The following CDIN1 variants were observed in gnomAD, a reference collection of about 807,000 sequenced individuals.
CDIN1 encodes the protein CDAN1-interacting nuclease 1.
CDIN1 carries 33 observed loss-of-function variants against 45.3 expected under a neutral mutation model. That is an observed-to-expected ratio of 0.73 (90% CI 0.55 to 0.97). The LOEUF is 0.97. Ranked by LOEUF, CDIN1 falls within the 50% of genes least tolerant of loss-of-function variation. CDIN1 has a pLI of 0.00. For missense variants in CDIN1, 303 were observed against 339.4 expected (o/e 0.89, Z 0.84); for synonymous variants, 118 against 124.4 (o/e 0.95, Z 0.34).
chr15:36,604,418 T>TACACAGACACACACACACACACAC (rs1555382540), intron 1 of CDIN1, among the ~76,000 whole-genome samples: 4 of 128,860 alleles, frequency 3.1e-5, no homozygotes, highest in East Asian at 5.0e-4. Flanking sequence ...TTTTAAAAGG[T>TACACAGACACACACACACACACAC]ACACACACAC....
chr15:36,675,074 C>T (rs772610321), intron 5 of CDIN1, among the ~76,000 whole-genome samples: 3 of 152,048 alleles, frequency 2.0e-5, no homozygotes, highest in Non-Finnish European at 4.4e-5. Flanking sequence ...ATACTCCAAG[C>T]TCAGGATACT....
chr15:36,750,840 C>T (rs1011598017), intron 10 of CDIN1, among the ~76,000 whole-genome samples: 3 of 152,018 alleles, frequency 2.0e-5, no homozygotes, highest in South Asian at 2.1e-4. Context: ...AGACAAAGAC[C>T]TACAAAACTT....
intron 8 of CDIN1, among the ~76,000 whole-genome samples, chr15:36,703,377 T>TATATCTGATATAC (rs2042734404): frequency 3.7e-5 from 1 of 27,022 alleles, no homozygotes; most frequent in Non-Finnish European, 6.3e-5. Flanking sequence ...CTATCATATA[T>TATATCTGATATAC]ATATATATCA....
At chr15:36,753,376 G>A (rs1399196470) in intron 10 of CDIN1, among the ~76,000 whole-genome samples, 1 of 152,064 alleles carries the variant, frequency 6.6e-6, no homozygotes, top group Non-Finnish European at 1.5e-5. Context: ...GAATGGAGAT[G>A]AGATCCTAGA....
intron 4 of CDIN1, among the ~76,000 whole-genome samples, chr15:36,655,972 A>G (rs1269308158): frequency 3.3e-5 from 5 of 152,218 alleles, no homozygotes; most frequent in Non-Finnish European, 7.3e-5. Context: ...TCCTACATCA[A>G]TAAACCTTTT....
chr15:36,678,297 T>G (rs952173305), intron 5 of CDIN1, among the ~76,000 whole-genome samples: 22 of 152,210 alleles, frequency 1.4e-4, no homozygotes, highest in African/African-American at 4.8e-4. Context: ...GGAAAGACAC[T>G]GGCAGGTCAA....
intron 1 of CDIN1, among the ~76,000 whole-genome samples, chr15:36,637,331 A>T (rs2039942465): frequency 6.6e-6 from 1 of 152,242 alleles, no homozygotes; most frequent in Non-Finnish European, 1.5e-5. Context: ...GAATGTGGGT[A>T]GGCAAAAATT....
chr15:36,682,077 A>ATGTGTG (rs745531678), intron 5 of CDIN1, among the ~76,000 whole-genome samples: 2 of 149,526 alleles, frequency 1.3e-5, no homozygotes, highest in African/African-American at 4.9e-5. Flanking sequence ...GGGTGTGTGT[A>ATGTGTG]TGTGTGTGTG....
chr15:36,728,760 A>G (rs1595527822), intron 10 of CDIN1, among the ~76,000 whole-genome samples: 1 of 151,828 alleles, frequency 6.6e-6, no homozygotes, highest in Non-Finnish European at 1.5e-5. Flanking sequence ...TGCAACCTGC[A>G]CCTCCCAGGT....
intron 6 of CDIN1, 98 bp from the exon 7 acceptor site, chr15:36,692,028 G>GGGGT: frequency 8.6e-7 from 1 of 1,159,150 alleles, no homozygotes; most frequent in Non-Finnish European, 1.2e-6. Flanking sequence ...GGGGGCGGGG[G>GGGGT]TGGGGGAAGA....
chr15:36,758,727 G>T (rs2053676865), intron 10 of CDIN1, among the ~76,000 whole-genome samples: 1 of 152,158 alleles, frequency 6.6e-6, no homozygotes, highest in Non-Finnish European at 1.5e-5. Context: ...GTCTGAAGAA[G>T]AAAGTGTGTA....
chr15:36,802,749 CAG>C (rs1222121996), intron 10 of CDIN1, among the ~76,000 whole-genome samples: 2 of 152,068 alleles, frequency 1.3e-5, no homozygotes, highest in African/African-American at 4.8e-5. Context: ...CTGAGTTTCT[CAG>C]AGAGTTACAG....
chr15:36,753,600 T>C (rs1025707236), intron 10 of CDIN1, among the ~76,000 whole-genome samples: 1 of 146,734 alleles, frequency 6.8e-6, no homozygotes, highest in Non-Finnish European at 1.5e-5. Context: ...AATCAAACTA[T>C]TGACATGTAC....
rs1283114659 is a variant in CDIN1 at position 36,809,490 on chromosome 15, T to A, written c.*1037T>A. On this transcript the variant is annotated 3_prime_UTR_variant, in exon 11 of 11. Coordinates refer to ENST00000566621, the MANE Select transcript of CDIN1 (RefSeq NM_001321759.2). ...AAATAAAGGAGATTTTTCTATTTGT[T>A]CACTTTAATTTATTCACTTTTGTGT... 6.6e-6 allele frequency: 1 copy of A among 152,330 alleles called. No homozygotes were observed. The highest frequency in any genetic ancestry group is 1.5e-5 in the Non-Finnish European group (1 of 68,126). 9.4% of individuals were successfully genotyped at this position (152,330 alleles called of 1,614,324 possible).
intron 1 of CDIN1, among the ~76,000 whole-genome samples, chr15:36,604,274 CT>C (rs34347558): frequency 0.59 from 87,908 of 147,912 alleles, 27,494 homozygotes; most frequent in East Asian, 0.85. Flanking sequence ...AGCCACCTGG[CT>C]TTTTTTTTTT....
chr15:36,648,521 T>C (rs1275695396), intron 3 of CDIN1: 1 of 135,264 alleles, frequency 7.4e-6, no homozygotes, highest in Non-Finnish European at 1.5e-5. Flanking sequence ...AAGCTCCGCC[T>C]CCTGGGTTCA....
chr15:36,589,651 G>A (rs912776426), intron 1 of CDIN1, among the ~76,000 whole-genome samples: 6 of 151,958 alleles, frequency 3.9e-5, no homozygotes, highest in Non-Finnish European at 7.4e-5. Flanking sequence ...GACTACAGGC[G>A]CCCGCCACCA....
intron 10 of CDIN1, among the ~76,000 whole-genome samples, chr15:36,807,133 A>G (rs1311920803): frequency 6.6e-6 from 1 of 152,198 alleles, no homozygotes; most frequent in African/African-American, 2.4e-5. Flanking sequence ...ACTAATGTGG[A>G]TCCCCAAATA....
rs562190683 is a variant in CDIN1, at chr15:36,697,129, A to T, written c.477-194A>T. Among the ~76,000 whole-genome samples the T allele has an allele frequency of 3.4e-3, 368 of 106,940 alleles. 2 individuals carry two copies. The highest frequency in any genetic ancestry group is 0.012 in the African/African-American group (362 of 30,412). The allele number at this position is 106,940 out of a possible 152,430, so 70.2% of individuals were successfully genotyped here. A position where few individuals can be genotyped will look rare whatever the true frequency, so the allele number is the denominator to read the frequency against. ...AACAGAGCAGGACCCTGTCTCTATT[A>T]AAAAAAAAAAGGTTTTAAAAAATTA... is the stretch of plus-strand genomic sequence containing the variant. On this transcript the variant is annotated intron_variant, in intron 7 of 10. Transcript: ENST00000566621.
Sources: allele counts gnomAD v4.1 joint callset (sites outside exome capture counted in the v4.1 genomes callset), GRCh38; gene constraint gnomAD v4.1.1; transcripts MANE v1.5; gene names NCBI Gene and HGNC (gene_info 2026-07-23, HGNC 2026-07-21).